The following PAM variants were observed in gnomAD, a reference collection of about 807,000 sequenced individuals.
PAM encodes the protein peptidyl-glycine alpha-amidating monooxygenase.
PAM carries 72 observed loss-of-function variants against 122.1 expected under a neutral mutation model. The observed-to-expected ratio is 0.59, with a 90% CI of 0.49 to 0.72. The LOEUF (loss-of-function observed/expected upper bound fraction) is 0.72. Among genes scored for constraint, PAM ranks in the 30% least tolerant of loss-of-function variants. The pLI, the probability that PAM is intolerant of heterozygous loss-of-function variation, is 0.00. For synonymous variants in PAM, 389 were observed against 404.4 expected (o/e 0.96, Z 0.46); for missense variants, 1,106 against 1,183.7 (o/e 0.93, Z 0.96).
intron 17 of PAM, 45 bp downstream of exon 17, chr5:103,003,194 T>C: frequency 1.1e-6 from 1 of 881,454 alleles, no homozygotes; most frequent in Non-Finnish European, 2.0e-6. Flanking sequence ...CTACATATAT[T>C]GAGTATAAAG....
At chr5:103,023,102 T>C (rs3776856) in intron 23 of PAM, among the ~76,000 whole-genome samples, 37,812 of 151,814 alleles carry the variant, frequency 0.25, 5,163 homozygotes, top group East Asian at 0.44. Flanking sequence ...TCTAAAGTGC[T>C]GTGTATGTAT....
At chr5:103,025,074 A>AG (rs34995669) in intron 23 of PAM, 57 bp from the exon 24 acceptor site, 1 of 1,220,086 alleles carries the variant, frequency 8.2e-7, no homozygotes, top group Non-Finnish European at 1.2e-6. Flanking sequence ...GGGGTGGGTA[A>AG]GGGGGTTTTG....
chr5:102,976,294 C>A (rs1271494850), intron 15 of PAM, among the ~76,000 whole-genome samples: 1 of 152,008 alleles, frequency 6.6e-6, no homozygotes. Flanking sequence ...AAGGCTTTTT[C>A]TTAATTCTCT....
rs1157920560 is a variant in PAM at position 103,028,194 on chromosome 5, A to T, written c.2699A>T (p.His900Leu). The stretch of plus-strand genomic sequence containing the variant: ...CATCTTTTTTTAGCAGATTCTGAAC[A>T]CAAACTCGAGACGAGTTCAGGAAGA... The part of the protein sequence containing the change: ...KKSRAFGDSE[H>L]KLETSSGRVL... The change falls in exon 25 of 26, where the codon CAC becomes CTC. Residue 900 changes from histidine to leucine, a missense_variant. Coordinates refer to ENST00000438793, the MANE Select transcript of PAM (RefSeq NM_001177306.2). 6.2e-7 allele frequency: 1 copy of T among 1,612,604 alleles called. No homozygotes were observed. The highest frequency in any genetic ancestry group is 1.1e-5 in the South Asian group (1 of 90,954).
intron 1 of PAM, among the ~76,000 whole-genome samples, chr5:102,776,523 G>A (rs565118016): frequency 6.6e-6 from 1 of 152,186 alleles, no homozygotes; most frequent in South Asian, 2.1e-4. Context: ...TAAGGTGTGA[G>A]GAAGGGGTCC....
At chr5:102,851,821 T>C (rs918090218) in intron 1 of PAM, among the ~76,000 whole-genome samples, 3 of 152,244 alleles carry the variant, frequency 2.0e-5, no homozygotes, top group African/African-American at 4.8e-5. Context: ...CCTTTGTGTT[T>C]TTTTCTTAAC....
Position 102,983,622 on chromosome 5 carries a change from T to A in PAM, c.1484-6650T>A, listed in dbSNP as rs967927792. ...GCAAAGGCATAGAAAACCTATTTAATGAAATAACAGCTGAAAACTTCCCGT... is the reference window on the plus strand; with the variant it reads ...GCAAAGGCATAGAAAACCTATTTAAAGAAATAACAGCTGAAAACTTCCCGT... On this transcript the variant is annotated intron_variant, in intron 15 of 25. Coordinates refer to ENST00000438793, the MANE Select transcript of PAM (RefSeq NM_001177306.2). Among the ~76,000 whole-genome samples, 11 of 152,124 alleles carry A rather than the reference T, an allele frequency of 7.2e-5. 1 individual carries two copies. Among genetic ancestry groups the A allele is most frequent in the Admixed American group, 6.6e-4 (10 of 15,264 alleles).
chr5:102,801,999 CGAT>C (rs1561483070), intron 1 of PAM, among the ~76,000 whole-genome samples: 3 of 150,864 alleles, frequency 2.0e-5, no homozygotes, highest in African/African-American at 7.3e-5. Context: ...AGGATGGTCT[CGAT>C]CTGATCTCCT....
At chr5:102,803,216 A>C (rs1203896439) in intron 1 of PAM, among the ~76,000 whole-genome samples, 2 of 86,048 alleles carry the variant, frequency 2.3e-5, no homozygotes, top group Non-Finnish European at 2.6e-5. Flanking sequence ...GAAAGAAGGA[A>C]GGAAGGAAGG....
At chr5:102,757,810 G>A (rs1750907684) in intron 1 of PAM, among the ~76,000 whole-genome samples, 1 of 152,038 alleles carries the variant, frequency 6.6e-6, no homozygotes, top group African/African-American at 2.4e-5. Context: ...AGAGGCTGAG[G>A]CGGGAGTATT....
chr5:102,990,370 T>C lies in PAM; in HGVS notation c.1582T>C (p.Phe528Leu). 6.2e-7 allele frequency: 1 copy of C among 1,608,398 alleles called. No homozygotes were observed. The highest frequency in any genetic ancestry group is 8.5e-7 in the Non-Finnish European group (1 of 1,176,118). ...AGACCCTAAGAATAACCTGGTGATT[T>C]TCCACAGAGGTGACCATGTCTGGGA... The part of the protein sequence containing the change: ...ALDPKNNLVI[F>L]HRGDHVWDGN... The change falls in exon 16 of 26, where the codon TTC (phenylalanine) becomes CTC (leucine). Residue 528 changes from phenylalanine to leucine, a missense_variant. Around this residue, in one of 3 missense-constraint regions of PAM, gnomAD observed 670 missense variants for 690.3 expected, o/e 0.97. Transcript: ENST00000438793.
At chr5:102,869,313 G>A (rs539249930) in intron 3 of PAM, among the ~76,000 whole-genome samples, 1 of 152,288 alleles carries the variant, frequency 6.6e-6, no homozygotes, top group African/African-American at 2.4e-5. Flanking sequence ...GTCTTGCTAG[G>A]GTCTGCTGAA....
Position 102,783,995 on chromosome 5 carries a change from C to T in PAM, c.-374+28647C>T, listed in dbSNP as rs139202660. On this transcript the variant is annotated intron_variant, in intron 1 of 25. Coordinates refer to ENST00000438793, the MANE Select transcript of PAM (RefSeq NM_001177306.2). ...CACTGCAAGCTCCGCCTCCAGGGTT[C>T]ACGCCATTCTGCCTCAGCCTCCCAA... Among the ~76,000 whole-genome samples the T allele has an allele frequency of 1.3e-3, 203 of 152,030 alleles. 3 individuals carry two copies. Among genetic ancestry groups the T allele is most frequent in the African/African-American group, 4.7e-3 (196 of 41,458 alleles).
intron 4 of PAM, among the ~76,000 whole-genome samples, chr5:102,903,238 C>T (rs1334809763): frequency 6.6e-6 from 1 of 151,286 alleles, no homozygotes; most frequent in African/African-American, 2.4e-5. Context: ...TTTTTTGTTC[C>T]CTATTCACAA....
chr5:102,997,399 C>A (rs1030088069), intron 16 of PAM, among the ~76,000 whole-genome samples: 5 of 151,954 alleles, frequency 3.3e-5, no homozygotes, highest in African/African-American at 1.2e-4. Context: ...CACCTGTGGT[C>A]CCAGCTACAC....
At position 103,007,551 on chromosome 5, in the gene PAM, G is replaced by A. The variant is rs200392417; in HGVS notation, c.2109G>A (p.Arg703=). The change falls in exon 20 of 26, where the codon CGG becomes CGA. Residue 703 remains arginine, a synonymous_variant. Coordinates refer to ENST00000438793, the MANE Select transcript of PAM (RefSeq NM_001177306.2). ...PLLGQLCVAD[R]ENGRIQCFKT... ...TGGGCCAATTATGTGTGGCAGACCG[G>A]GAAAATGGTCGGATCCAGTGTTTTA... The A allele has an allele frequency of 1.2e-6, 2 of 1,613,878 alleles. No individual in the cohort carries two copies. The highest frequency in any genetic ancestry group is 2.7e-5 in the African/African-American group (2 of 74,962).
At chr5:102,805,318 T>G (rs1765934297) in intron 1 of PAM, among the ~76,000 whole-genome samples, 1 of 152,148 alleles carries the variant, frequency 6.6e-6, no homozygotes, top group South Asian at 2.1e-4. Flanking sequence ...TCTGCTCGCC[T>G]CAGCCTCCCA....
At chr5:102,810,658 G>A (rs546856025) in intron 1 of PAM, among the ~76,000 whole-genome samples, 17 of 147,752 alleles carry the variant, frequency 1.2e-4, no homozygotes, top group Admixed American at 4.6e-4. Context: ...TGGAGAACCC[G>A]TCTGTACTAA....
chr5:102,881,155 C>CACACACACAG (rs1046039847), intron 3 of PAM, among the ~76,000 whole-genome samples: 2 of 151,122 alleles, frequency 1.3e-5, no homozygotes, highest in Admixed American at 6.6e-5. Flanking sequence ...CACACACACA[C>CACACACACAG]AGAGACTTCT....
Sources: gnomAD v4.1 joint callset for allele counts (sites outside exome capture counted in the v4.1 genomes callset) on GRCh38, gnomAD v4.1.1 for gene constraint, gnomAD v4.1.1 regional missense constraint, MANE v1.5 for transcripts, NCBI Gene and HGNC (gene_info 2026-07-23, HGNC 2026-07-21) for gene names.